Variants in FAM220A observed in about 807,000 individuals in gnomAD.
FAM220A encodes the protein family with sequence similarity 220 member A.
For synonymous variants in FAM220A, 141 were observed against 130.7 expected, an observed-to-expected ratio of 1.08 and a Z score of -0.54; for missense variants, 392 against 321.6, an observed-to-expected ratio of 1.22 and a Z score of -1.68.
rs1781622681 is a variant in FAM220A, at chr7:6,331,042, G to C, written c.113C>G (p.Pro38Arg). The change falls in exon 2 of 2, where the codon CCT becomes CGT. Residue 38 changes from proline (P) to arginine (R), a missense_variant. Pro to Arg is a moderately radical substitution (Grantham distance 103). Transcript: ENST00000313324. ...CCAGGAGGGTGCATCTGCAGGCCAA[G>C]GGCCCTCCGGCATTCTTTTCTTAAG... Reference protein sequence around the residue: ...CSLKKRMPEGPWPADAPSWMN... With the variant: ...CSLKKRMPEGRWPADAPSWMN... The C allele has an allele frequency of 6.2e-7, 1 of 1,613,990 alleles. No individual in the cohort carries two copies. The highest frequency in any genetic ancestry group is 2.2e-5 in the East Asian group (1 of 44,888).
intron 1 of FAM220A, among the ~76,000 whole-genome samples, chr7:6,337,027 GA>G (rs1160804432): frequency 6.6e-6 from 1 of 151,830 alleles, no homozygotes. Flanking sequence ...TAAACGGAAG[GA>G]TTCCTAAATA....
intron 1 of FAM220A, among the ~76,000 whole-genome samples, chr7:6,333,481 A>G (rs1180540580): frequency 6.6e-6 from 1 of 152,182 alleles, no homozygotes; most frequent in Non-Finnish European, 1.5e-5. Flanking sequence ...AAGGAGGGAC[A>G]GACTAAAGTT....
At chr7:6,348,229 A>AT (rs1186273085) in intron 1 of FAM220A, among the ~76,000 whole-genome samples, 1 of 99,832 alleles carries the variant, frequency 1.0e-5, no homozygotes, top group Non-Finnish European at 2.1e-5. Flanking sequence ...ACAATTAAAA[A>AT]TAAGGGGGGG....
At chr7:6,331,866 G>C (rs906194533) in intron 1 of FAM220A, among the ~76,000 whole-genome samples, 23 of 147,862 alleles carry the variant, frequency 1.6e-4, no homozygotes, top group African/African-American at 5.7e-4. Flanking sequence ...TTAGCCTTTT[G>C]AGTAGCTGGG....
Position 6,330,367 on chromosome 7 carries a change from C to T in FAM220A, c.*8G>A. 6.2e-7 allele frequency: 1 copy of T among 1,604,974 alleles called. No individual in the cohort carries two copies. Among genetic ancestry groups the T allele is most frequent in the South Asian group, 1.1e-5 (1 of 89,424 alleles). On this transcript the variant is annotated 3_prime_UTR_variant, in exon 2 of 2. Transcript: ENST00000313324. ...AAATTAATCTATTGGTATTGTTCTG[C>T]TTGTACCTTAACTATGGCATAATGT...
At position 6,348,782 on chromosome 7, in the gene FAM220A, C is replaced by A. The variant is rs921610493; in HGVS notation, c.-291G>T. 2.8e-5 allele frequency: 11 copies of A among 396,250 alleles called. No homozygotes were observed. Among genetic ancestry groups the A allele is most frequent in the African/African-American group, 6.2e-5 (3 of 48,438 alleles). The allele number at this position is 396,250 out of a possible 1,614,324, so 24.5% of individuals were successfully genotyped here. A position where few individuals can be genotyped will look rare whatever the true frequency, so the allele number is the denominator to read the frequency against. On this transcript the variant is annotated 5_prime_UTR_variant, in exon 1 of 2. Transcript: ENST00000313324. ...ATATAGAGACCGGCGCTCCCACAGCCCCCCCGCCCGCCCTCTCCGCGCCGC... is the reference window on the plus strand; with the variant it reads ...ATATAGAGACCGGCGCTCCCACAGCACCCCCGCCCGCCCTCTCCGCGCCGC...
In FAM220A at chr7:6,330,579, C is replaced by G; in HGVS notation, c.576G>C (p.Leu192=). 1.2e-6 allele frequency: 2 copies of G among 1,614,158 alleles called. No individual in the cohort carries two copies. The highest frequency in any genetic ancestry group is 1.1e-5 in the South Asian group (1 of 91,080). Residue 192 remains leucine (L), a synonymous_variant, in exon 2 of 2, where the codon CTG becomes CTC. Coordinates refer to ENST00000313324, the MANE Select transcript of FAM220A (RefSeq NM_001037163.2). ...ELEPACLHSI[L]SATLHVYPEV... ...CGGGATACACGTGCAGCGTTGCAGA[C>G]AGGATGGAGTGCAGGCAAGCGGGTT... is the stretch of plus-strand genomic sequence containing the variant.
At chr7:6,336,483 C>T (rs1225453483) in intron 1 of FAM220A, among the ~76,000 whole-genome samples, 1 of 152,108 alleles carries the variant, frequency 6.6e-6, no homozygotes, top group Non-Finnish European at 1.5e-5. Context: ...GAGTTTGAGA[C>T]CAGCCTGGCC....
intron 1 of FAM220A, among the ~76,000 whole-genome samples, chr7:6,336,782 G>A (rs1190786151): frequency 6.6e-6 from 1 of 150,960 alleles, no homozygotes; most frequent in African/African-American, 2.4e-5. Context: ...AGCCTCCCAA[G>A]CAGCTGGAAC....
At chr7:6,337,073 C>CTTTTTTTTTTT (rs1223883811) in intron 1 of FAM220A, among the ~76,000 whole-genome samples, 4 of 144,888 alleles carry the variant, frequency 2.8e-5, no homozygotes, top group South Asian at 2.2e-4. Context: ...TATTTTAATT[C>CTTTTTTTTTTT]TTTTTTTTTT....
rs143753258 is a variant in FAM220A at position 6,330,570 on chromosome 7, C to T, written c.585G>A (p.Thr195=). The T allele has an allele frequency of 3.2e-5, 51 of 1,614,136 alleles. No homozygotes were observed. The highest frequency in any genetic ancestry group is 1.7e-4 in the African/African-American group (13 of 75,044). The stretch of plus-strand genomic sequence containing the variant: ...GGAGCACTTCGGGATACACGTGCAG[C>T]GTTGCAGACAGGATGGAGTGCAGGC... The part of the protein sequence containing the change: ...PACLHSILSA[T]LHVYPEVLLS... Residue 195 remains threonine (T), a synonymous_variant, in exon 2 of 2, where the codon ACG becomes ACA. Coordinates refer to ENST00000313324, the MANE Select transcript of FAM220A (RefSeq NM_001037163.2).
intron 1 of FAM220A, among the ~76,000 whole-genome samples, chr7:6,335,154 C>T (rs924141763): frequency 6.6e-6 from 1 of 151,972 alleles, no homozygotes; most frequent in Non-Finnish European, 1.5e-5. Flanking sequence ...CCTCTGCCTC[C>T]TAGGTTCAAG....
intron 1 of FAM220A, among the ~76,000 whole-genome samples, chr7:6,347,237 G>A (rs1429021515): frequency 6.6e-6 from 1 of 152,224 alleles, no homozygotes; most frequent in Admixed American, 6.5e-5. Flanking sequence ...TCTCTTGGCT[G>A]GGCGCTGTGG....
chr7:6,337,481 A>G (rs559612010), intron 1 of FAM220A, among the ~76,000 whole-genome samples: 1 of 151,902 alleles, frequency 6.6e-6, no homozygotes, highest in East Asian at 1.9e-4. Context: ...CAGAAAAATT[A>G]AGTTTCTAAC....
chr7:6,336,720 C>A (rs111359436), intron 1 of FAM220A, among the ~76,000 whole-genome samples: 6 of 151,376 alleles, frequency 4.0e-5, no homozygotes, highest in South Asian at 2.1e-4. Context: ...ATGGCACAGT[C>A]ACGGCTCACT....
chr7:6,347,269 C>T (rs1387423708), intron 1 of FAM220A, among the ~76,000 whole-genome samples: 9 of 152,226 alleles, frequency 5.9e-5, no homozygotes, highest in African/African-American at 2.2e-4. Context: ...AATCCCAGCA[C>T]TTTGGGAGGT....
chr7:6,348,059 C>T (rs1026401425), intron 1 of FAM220A, among the ~76,000 whole-genome samples: 2 of 151,468 alleles, frequency 1.3e-5, no homozygotes, highest in South Asian at 2.1e-4. Flanking sequence ...TACAGGCACG[C>T]GCCACCACGC....
chr7:6,348,412 C>G (rs989485995), intron 1 of FAM220A, among the ~76,000 whole-genome samples, 161 bp downstream of exon 1: 23 of 152,154 alleles, frequency 1.5e-4, no homozygotes, highest in African/African-American at 4.8e-4. Context: ...GGATAAGGAC[C>G]ACCTCAGTGG....
chr7:6,333,282 T>C (rs1449561823), intron 1 of FAM220A, among the ~76,000 whole-genome samples: 3 of 151,740 alleles, frequency 2.0e-5, no homozygotes, highest in African/African-American at 4.8e-5. Flanking sequence ...CCTCGGGCCA[T>C]GTCACAGGGA....
Sources: allele counts gnomAD v4.1 joint callset (sites outside exome capture counted in the v4.1 genomes callset), GRCh38; gene constraint gnomAD v4.1.1; transcripts MANE v1.5; gene names NCBI Gene and HGNC (gene_info 2026-07-23, HGNC 2026-07-21).